The following GRK5 variants were observed in gnomAD, a reference collection of about 807,000 sequenced individuals.
GRK5 encodes the protein G protein-coupled receptor kinase 5.
In GRK5, 40 loss-of-function variants were observed where a neutral mutation model predicts 78.4. The ratio of observed to expected loss-of-function variants is 0.51; its 90% CI spans 0.40 to 0.66. The LOEUF (loss-of-function observed/expected upper bound fraction) is 0.66, where lower values mean the gene tolerates loss of function less well. Among genes scored for constraint, GRK5 ranks in the 30% least tolerant of loss-of-function variants. The probability of loss-of-function intolerance (pLI) is 0.00; values close to 1 mark genes in which losing one functional copy is unlikely to be tolerated. For synonymous variants in GRK5, 289 were observed against 296.8 expected, an observed-to-expected ratio of 0.97 and a Z score of 0.27; for missense variants, 598 against 759.9, an observed-to-expected ratio of 0.79 and a Z score of 2.50.
intron 1 of GRK5, among the ~76,000 whole-genome samples, chr10:119,294,554 T>A (rs951943576): frequency 6.6e-6 from 1 of 152,070 alleles, no homozygotes; most frequent in Admixed American, 6.6e-5. Context: ...AGGCACAAGA[T>A]AAGTAGGAAT....
chr10:119,261,025 G>A (rs1472994926), intron 1 of GRK5, among the ~76,000 whole-genome samples: 3 of 142,860 alleles, frequency 2.1e-5, no homozygotes, highest in Non-Finnish European at 4.7e-5. Context: ...GCGGCTGGCC[G>A]GGCAGGGGGC....
At chr10:119,420,483 T>C (rs1247962227) in intron 4 of GRK5, among the ~76,000 whole-genome samples, 1 of 151,986 alleles carries the variant, frequency 6.6e-6, no homozygotes, top group Admixed American at 6.6e-5. Flanking sequence ...TACCTTATAA[T>C]ATATCATTTC....
chr10:119,406,425 C>G (rs1293562255), intron 4 of GRK5: 1 of 984,754 alleles, frequency 1.0e-6, no homozygotes, highest in East Asian at 1.1e-4. Context: ...TTCATGATCT[C>G]CAGGGCAACC....
At chr10:119,345,212 C>T (rs1053328394) in intron 2 of GRK5, among the ~76,000 whole-genome samples, 6 of 152,176 alleles carry the variant, frequency 3.9e-5, no homozygotes, top group African/African-American at 1.4e-4. Context: ...TCATGATCCG[C>T]CCGCCTCGGC....
chr10:119,286,573 C>G (rs1281002971), intron 1 of GRK5, among the ~76,000 whole-genome samples: 1 of 152,192 alleles, frequency 6.6e-6, no homozygotes, highest in Admixed American at 6.5e-5. Flanking sequence ...GTTTGGGGGC[C>G]TCTGTTGACT....
At chr10:119,436,923 G>T in intron 9 of GRK5, 82 bp downstream of exon 9, 1 of 1,313,278 alleles carries the variant, frequency 7.6e-7, no homozygotes, top group Non-Finnish European at 1.0e-6. Flanking sequence ...GCAGGTGGTT[G>T]CCATCGCTCT....
chr10:119,212,777 C>T (rs1029990300), intron 1 of GRK5: 2 of 152,220 alleles, frequency 1.3e-5, no homozygotes, highest in Non-Finnish European at 2.9e-5. Context: ...CAACAGGTGA[C>T]ACATTGAGAA....
intron 1 of GRK5, among the ~76,000 whole-genome samples, chr10:119,301,271 C>T (rs924626213): frequency 6.6e-6 from 1 of 152,214 alleles, no homozygotes; most frequent in African/African-American, 2.4e-5. Context: ...GTGGTTCTAA[C>T]GCCATGGGTT....
intron 1 of GRK5, among the ~76,000 whole-genome samples, chr10:119,230,863 A>G (rs536287028): frequency 6.8e-6 from 1 of 146,918 alleles, no homozygotes; most frequent in African/African-American, 2.5e-5. Flanking sequence ...AGAGCCACTG[A>G]GAGTTTTTCA....
chr10:119,293,429 A>G (rs1850018831), intron 1 of GRK5, among the ~76,000 whole-genome samples: 2 of 152,198 alleles, frequency 1.3e-5, no homozygotes, highest in African/African-American at 2.4e-5. Flanking sequence ...CTTGAATACA[A>G]TTGAGGAGCA....
chr10:119,448,430 C>T (rs1342036302), intron 13 of GRK5, among the ~76,000 whole-genome samples, 170 bp downstream of exon 13: 1 of 152,244 alleles, frequency 6.6e-6, no homozygotes, highest in Non-Finnish European at 1.5e-5. Context: ...GAACTTCACG[C>T]CAGGCAGTGC....
chr10:119,209,127 A>G (rs528862680), intron 1 of GRK5, among the ~76,000 whole-genome samples: 2 of 152,316 alleles, frequency 1.3e-5, no homozygotes, highest in African/African-American at 4.8e-5. Context: ...AATGAAGGGA[A>G]GAATTTCTGG....
chr10:119,440,949 A>G (rs561015440), intron 10 of GRK5, among the ~76,000 whole-genome samples: 5 of 152,312 alleles, frequency 3.3e-5, no homozygotes, highest in South Asian at 2.1e-4. Flanking sequence ...CAGGGGAGCC[A>G]TCCTGCCAAA....
At chr10:119,280,402 G>C (rs914885500) in intron 1 of GRK5, among the ~76,000 whole-genome samples, 17 of 152,150 alleles carry the variant, frequency 1.1e-4, no homozygotes, top group Non-Finnish European at 2.5e-4. Context: ...GCAGGAACGT[G>C]AATGTCGGCT....
intron 2 of GRK5, among the ~76,000 whole-genome samples, chr10:119,347,640 G>A (rs35427670): frequency 2.0e-4 from 30 of 152,380 alleles, no homozygotes; most frequent in East Asian, 1.2e-3. Context: ...GAGTGTCCCA[G>A]GCTGGAACCA....
chr10:119,217,025 A>G lies in GRK5; in HGVS notation c.52+9056A>G, dbSNP rs1193459244. ...TGTGGACTTTTGGGGAGCAATTGCAAGTGGATCTCCCCTATCCTCCAAAGT... is the reference window on the plus strand; with the variant it reads ...TGTGGACTTTTGGGGAGCAATTGCAGGTGGATCTCCCCTATCCTCCAAAGT... On this transcript the variant is annotated intron_variant, in intron 1 of 15. Transcript: ENST00000392870. The surrounding 1 kb of genome is among the most constrained non-coding windows in gnomAD (Gnocchi z 4.1). Among the ~76,000 whole-genome samples the G allele has an allele frequency of 6.6e-6, 1 of 152,196 alleles. No homozygotes were observed. Among genetic ancestry groups the G allele is most frequent in the African/African-American group, 2.4e-5 (1 of 41,442 alleles).
At chr10:119,335,190 C>A (rs1163840305) in intron 2 of GRK5, among the ~76,000 whole-genome samples, 4 of 135,798 alleles carry the variant, frequency 2.9e-5, no homozygotes, top group African/African-American at 1.2e-4. Context: ...CTCTCCCTCT[C>A]CCCCCACCTC....
At chr10:119,292,501 A>C (rs1272842740) in intron 1 of GRK5, among the ~76,000 whole-genome samples, 2 of 152,214 alleles carry the variant, frequency 1.3e-5, no homozygotes, top group Non-Finnish European at 2.9e-5. Context: ...AAACCTCCCC[A>C]AACCTAATTC....
intron 9 of GRK5, among the ~76,000 whole-genome samples, chr10:119,437,678 G>A (rs1040031313): frequency 1.3e-5 from 2 of 152,092 alleles, no homozygotes; most frequent in African/African-American, 4.8e-5. Context: ...CATCCCCCCA[G>A]AATGTTAATA....
Sources: allele counts gnomAD v4.1 joint callset (sites outside exome capture counted in the v4.1 genomes callset), GRCh38; gene constraint gnomAD v4.1.1; non-coding constraint Gnocchi (gnomAD v3.1); transcripts MANE v1.5; gene names NCBI Gene and HGNC (gene_info 2026-07-23, HGNC 2026-07-21).